The following CNTNAP2 variants were observed in gnomAD, a reference collection of about 807,000 sequenced individuals.
CNTNAP2 encodes contactin associated protein 2.
Under a neutral mutation model 155.2 loss-of-function variants are expected in CNTNAP2, and 98 were observed. That is an observed-to-expected ratio of 0.63 (90% CI 0.54 to 0.75). The LOEUF is 0.75. Among genes scored for constraint, CNTNAP2 ranks in the 30% least tolerant of loss-of-function variants. CNTNAP2 has a pLI of 0.00. For missense variants in CNTNAP2, 1,727 were observed against 1,688.1 expected (o/e 1.02, Z -0.40); for synonymous variants, 651 against 631.2 (o/e 1.03, Z -0.47).
intron 4 of CNTNAP2, among the ~76,000 whole-genome samples, chr7:147,068,358 T>G (rs1799823263): frequency 6.6e-6 from 1 of 151,716 alleles, no homozygotes; most frequent in Admixed American, 6.6e-5. Flanking sequence ...TTTATTTATT[T>G]GTTTGTTTGT....
intron 3 of CNTNAP2, among the ~76,000 whole-genome samples, chr7:147,030,581 T>G (rs1296311890): frequency 6.6e-6 from 1 of 152,238 alleles, no homozygotes; most frequent in Non-Finnish European, 1.5e-5. Flanking sequence ...CCCCAATATC[T>G]TCTTATTTCC....
At chr7:146,285,657 T>G (rs1316701553) in intron 1 of CNTNAP2, among the ~76,000 whole-genome samples, 1 of 147,916 alleles carries the variant, frequency 6.8e-6, no homozygotes, top group Non-Finnish European at 1.5e-5. Flanking sequence ...TTTCTTTATT[T>G]TTCCCTCCCT....
At position 147,199,888 on chromosome 7, in the gene CNTNAP2, G is replaced by A. The variant is rs148132966; in HGVS notation, c.1348+67379G>A. 2.2e-3 allele frequency among the ~76,000 whole-genome samples: 331 copies of A among 152,122 alleles called. 3 individuals are homozygous for A. The highest frequency in any genetic ancestry group is 7.7e-3 in the African/African-American group (318 of 41,476). Reference sequence around the variant, plus strand: ...CAAGAAATGTGGAATTAGCTAGAGAGGGTTGTCTTATTTTTAATTTGAAGG... The same window carrying A: ...CAAGAAATGTGGAATTAGCTAGAGAAGGTTGTCTTATTTTTAATTTGAAGG... On this transcript the variant is annotated intron_variant, in intron 8 of 23. Transcript: ENST00000361727.
At chr7:146,664,321 CG>C (rs1233485337) in intron 1 of CNTNAP2, among the ~76,000 whole-genome samples, 7 of 151,742 alleles carry the variant, frequency 4.6e-5, no homozygotes, top group African/African-American at 1.7e-4. Flanking sequence ...GCCACCATGC[CG>C]GGCTAATTTT....
At chr7:146,415,208 A>ACACACACACATACCACAC (rs1795921867) in intron 1 of CNTNAP2, among the ~76,000 whole-genome samples, 1 of 151,960 alleles carries the variant, frequency 6.6e-6, no homozygotes, top group East Asian at 1.9e-4. Context: ...AGGGAGAAAC[A>ACACACACACATACCACAC]CACACACACA....
At chr7:147,671,503 A>T (rs1476886168) in intron 13 of CNTNAP2, among the ~76,000 whole-genome samples, 1 of 151,370 alleles carries the variant, frequency 6.6e-6, no homozygotes, top group Non-Finnish European at 1.5e-5. Flanking sequence ...TTTATCTGAG[A>T]AAAAGAAATT....
chr7:146,619,159 A>G (rs1799277518), intron 1 of CNTNAP2, among the ~76,000 whole-genome samples: 1 of 152,172 alleles, frequency 6.6e-6, no homozygotes, highest in Non-Finnish European at 1.5e-5. Context: ...TGAAATTTAT[A>G]GAAGTGTTGT....
chr7:147,055,109 T>C (rs1799535261), intron 4 of CNTNAP2, among the ~76,000 whole-genome samples: 1 of 152,180 alleles, frequency 6.6e-6, no homozygotes, highest in Non-Finnish European at 1.5e-5. Flanking sequence ...AACATCTGAA[T>C]ACTCTACCCT....
At chr7:147,144,387 A>G (rs1801658738) in intron 8 of CNTNAP2, among the ~76,000 whole-genome samples, 1 of 152,160 alleles carries the variant, frequency 6.6e-6, no homozygotes, top group African/African-American at 2.4e-5. Context: ...CAGCATACAC[A>G]TACTACACTT....
chr7:148,105,733 C>T (rs962619588), intron 15 of CNTNAP2, among the ~76,000 whole-genome samples: 1 of 151,974 alleles, frequency 6.6e-6, no homozygotes, highest in Admixed American at 6.6e-5. Flanking sequence ...ACTACAGGCA[C>T]CTGCCACCAC....
intron 13 of CNTNAP2, among the ~76,000 whole-genome samples, chr7:147,768,934 A>C (rs1797424215): frequency 1.3e-5 from 2 of 152,176 alleles, no homozygotes; most frequent in African/African-American, 4.8e-5. Context: ...CACTTCAAAG[A>C]AGGTACTTTA....
intron 9 of CNTNAP2, among the ~76,000 whole-genome samples, chr7:147,381,559 A>G (rs553908347): frequency 8.5e-5 from 13 of 152,118 alleles, no homozygotes; most frequent in African/African-American, 3.1e-4. Context: ...GGTCATGAAA[A>G]AGACTATGTA....
chr7:148,278,884 G>C (rs1796925346), intron 21 of CNTNAP2, among the ~76,000 whole-genome samples: 1 of 152,232 alleles, frequency 6.6e-6, no homozygotes, highest in African/African-American at 2.4e-5. Context: ...AAGTGAGAAA[G>C]CTGGCTGTGT....
intron 9 of CNTNAP2, among the ~76,000 whole-genome samples, chr7:147,390,912 C>T (rs1423766267): frequency 6.6e-6 from 1 of 152,062 alleles, no homozygotes; most frequent in Non-Finnish European, 1.5e-5. Flanking sequence ...TTTTTCCACA[C>T]ACGAAGTACA....
intron 8 of CNTNAP2, among the ~76,000 whole-genome samples, chr7:147,254,350 G>A (rs145069985): frequency 0.011 from 1,673 of 152,276 alleles, 15 homozygotes; most frequent in Middle Eastern, 0.02. Flanking sequence ...CAGTTTACAG[G>A]AGTTAGCACC....
intron 1 of CNTNAP2, among the ~76,000 whole-genome samples, chr7:146,682,247 A>C (rs538132959): frequency 6.6e-6 from 1 of 152,206 alleles, no homozygotes; most frequent in Non-Finnish European, 1.5e-5. Context: ...GTATATATAT[A>C]TATTTTTAAT....
chr7:147,934,607 A>C (rs1288190656), intron 14 of CNTNAP2, among the ~76,000 whole-genome samples: 1 of 152,190 alleles, frequency 6.6e-6, no homozygotes, highest in African/African-American at 2.4e-5. Context: ...AACTAGAAAG[A>C]ATCTGAGAGC....
chr7:146,925,857 T>G (rs1250660500), intron 3 of CNTNAP2, among the ~76,000 whole-genome samples: 1 of 152,072 alleles, frequency 6.6e-6, no homozygotes, highest in Non-Finnish European at 1.5e-5. Flanking sequence ...CCAAATAAGC[T>G]TCCGAACACA....
At chr7:148,061,962 G>GATAGATAGATAGATAAACAGAT (rs1803154261) in intron 15 of CNTNAP2, among the ~76,000 whole-genome samples, 2 of 72,438 alleles carry the variant, frequency 2.8e-5, no homozygotes, top group African/African-American at 1.6e-4. Flanking sequence ...GATATAGATA[G>GATAGATAGATAGATAAACAGAT]ATAGATAGAT....
Sources: allele counts gnomAD v4.1 joint callset (sites outside exome capture counted in the v4.1 genomes callset), GRCh38; gene constraint gnomAD v4.1.1; transcripts MANE v1.5; gene names NCBI Gene and HGNC (gene_info 2026-07-23, HGNC 2026-07-21).